H2BC4: variants seen among roughly 807,000 people sequenced by gnomAD.
H2BC4 encodes the protein histone H2B type 1-C/E/F/G/I.
A neutral mutation model predicts 6.2 loss-of-function variants in H2BC4; 10 were observed. The observed-to-expected ratio is 1.61, with a 90% CI of 0.99 to 2.73. The LOEUF (loss-of-function observed/expected upper bound fraction) is 2.73. Among genes scored for constraint, H2BC4 ranks in the 30% most tolerant of loss-of-function variants. The pLI is 0.00. For missense variants in H2BC4, 176 were observed against 168.7 expected (o/e 1.04, Z -0.24); for synonymous variants, 146 against 70.7 (o/e 2.07, Z -5.35).
chr6:26,123,818 C>T lies in H2BC4; in HGVS notation c.87G>A (p.Lys29=), dbSNP rs1345869566. ...AACTCTCCTTGCGGCTGCGCTTGCG[C>T]TTCTTGCCATCTTTCTTCTGCGCTT... ...VTKAQKKDGK[K]RKRSRKESYS... The change falls in exon 1 of 1, where the codon AAG becomes AAA. Residue 29 remains lysine, a synonymous_variant. Coordinates refer to ENST00000396984, the MANE Select transcript of H2BC4 (RefSeq NM_003526.3). 6.2e-6 allele frequency: 10 copies of T among 1,614,264 alleles called. No homozygotes were observed. Among genetic ancestry groups the T allele is most frequent in the South Asian group, 1.1e-5 (1 of 91,092 alleles).
At chr6:26,123,322 T>G (rs1024879357), downstream of H2BC4, 1 of 932,944 alleles carries the variant, frequency 1.1e-6, no homozygotes, top group Non-Finnish European at 1.5e-6. Flanking sequence ...CCATTTTTAA[T>G]GGCTGGCTTC....
At chr6:26,120,456 A>T (rs368213759), downstream of H2BC4, among the ~76,000 whole-genome samples, 1 of 152,206 alleles carries the variant, frequency 6.6e-6, no homozygotes, top group East Asian at 1.9e-4. Context: ...CTCAAAAAAA[A>T]AAAAAAGATA....
downstream of H2BC4, among the ~76,000 whole-genome samples, chr6:26,119,640 A>C (rs899347707): frequency 5.9e-5 from 9 of 152,096 alleles, no homozygotes; most frequent in Admixed American, 3.3e-4. Flanking sequence ...TGTAACCAGT[A>C]CAACTAGTGG....
chr6:26,118,128 GTTTT>G (rs1763448212), intron 1 of H2BC4, among the ~76,000 whole-genome samples: 1 of 151,932 alleles, frequency 6.6e-6, no homozygotes, highest in Non-Finnish European at 1.5e-5. Flanking sequence ...AGTTTGTTTA[GTTTT>G]TTGTTTTTTG....
exon 2 of H2BC4, chr6:26,114,945 T>C (rs1358157808): frequency 6.6e-6 from 1 of 152,236 alleles, no homozygotes; most frequent in Non-Finnish European, 1.5e-5. Context: ...AATATTTTAA[T>C]AGTTTTATGC....
At chr6:26,122,192 T>G (rs2113797691), downstream of H2BC4, among the ~76,000 whole-genome samples, 1 of 152,312 alleles carries the variant, frequency 6.6e-6, no homozygotes, top group Middle Eastern at 3.4e-3. Context: ...TAAGGCCTTG[T>G]CTGGCACCAA....
At chr6:26,121,365 C>T (rs182872426), downstream of H2BC4, among the ~76,000 whole-genome samples, 9 of 152,104 alleles carry the variant, frequency 5.9e-5, no homozygotes, top group Non-Finnish European at 8.8e-5. Context: ...CAAACGCGGA[C>T]GATAAACTTT....
chr6:26,117,509 GTCA>G (rs1763438406), intron 1 of H2BC4, among the ~76,000 whole-genome samples: 1 of 152,104 alleles, frequency 6.6e-6, no homozygotes, highest in Non-Finnish European at 1.5e-5. Flanking sequence ...TTCACTTTTT[GTCA>G]TCATTGAGCA....
Position 26,123,504 on chromosome 6 carries a change from A to G in H2BC4, c.*20T>C. The G allele has an allele frequency of 1.2e-6, 2 of 1,614,176 alleles. No individual in the cohort carries two copies. Among genetic ancestry groups the G allele is most frequent in the Non-Finnish European group, 1.7e-6 (2 of 1,180,028 alleles). ...AAAAGAGCCTTTGGGGTTAGGTGTT[A>G]AGACGCTTACTTGGAATGTTTACTT... On this transcript the variant is annotated 3_prime_UTR_variant, in exon 1 of 1. Transcript: ENST00000396984.
At chr6:26,120,272 G>A (rs138901632), downstream of H2BC4, among the ~76,000 whole-genome samples, 403 of 152,164 alleles carry the variant, frequency 2.6e-3, 2 homozygotes, top group East Asian at 0.011. Context: ...CCAACATGGC[G>A]AAACCCCATC....
chr6:26,115,102 TGG>T (rs1221646138), exon 2 of H2BC4: 1 of 152,150 alleles, frequency 6.6e-6, no homozygotes, highest in African/African-American at 2.4e-5. Flanking sequence ...TGACGACTGT[TGG>T]AAAAGATATG....
chr6:26,115,897 A>T (rs1405394544), intron 1 of H2BC4, among the ~76,000 whole-genome samples: 1 of 152,206 alleles, frequency 6.6e-6, no homozygotes, highest in Non-Finnish European at 1.5e-5. Flanking sequence ...TAACAACAAA[A>T]GGGGCACATT....
downstream of H2BC4, among the ~76,000 whole-genome samples, chr6:26,113,353 T>G (rs1168727898): frequency 6.6e-6 from 1 of 152,228 alleles, no homozygotes; most frequent in Admixed American, 6.5e-5. Context: ...TTGTTTCTCA[T>G]GAGATTCAAT....
At chr6:26,118,754 T>C (rs557081819), downstream of H2BC4, among the ~76,000 whole-genome samples, 3 of 152,312 alleles carry the variant, frequency 2.0e-5, no homozygotes, top group African/African-American at 4.8e-5. Context: ...TTTTTAGTGA[T>C]AGTGTATTTC....
chr6:26,123,837 T>C lies in H2BC4; in HGVS notation c.68A>G (p.Gln23Arg). The C allele has an allele frequency of 6.2e-7, 1 of 1,614,256 alleles. No individual in the cohort carries two copies. Among genetic ancestry groups the C allele is most frequent in the Non-Finnish European group, 8.5e-7 (1 of 1,180,046 alleles). ...CTTGCGCTTCTTGCCATCTTTCTTCTGCGCTTTGGTCACTGCCTTCTTGGA... is the reference window on the plus strand; with the variant it reads ...CTTGCGCTTCTTGCCATCTTTCTTCCGCGCTTTGGTCACTGCCTTCTTGGA... ...KGSKKAVTKA[Q>R]KKDGKKRKRS... The change falls in exon 1 of 1, where the codon CAG (glutamine) becomes CGG (arginine). Residue 23 changes from glutamine to arginine, a missense_variant. By Grantham distance (43) the Gln-to-Arg change is conservative. Coordinates refer to ENST00000396984, the MANE Select transcript of H2BC4 (RefSeq NM_003526.3).
chr6:26,116,925 C>T (rs1176240454), intron 1 of H2BC4, among the ~76,000 whole-genome samples: 2 of 152,148 alleles, frequency 1.3e-5, no homozygotes, highest in African/African-American at 2.4e-5. Context: ...TCCAGGATTA[C>T]ACAGGCTAAA....
At chr6:26,113,454 G>T (rs2113792160), downstream of H2BC4, among the ~76,000 whole-genome samples, 1 of 152,316 alleles carries the variant, frequency 6.6e-6, no homozygotes, top group Admixed American at 6.5e-5. Flanking sequence ...TGACTCTGGG[G>T]TGTGGACATT....
At chr6:26,120,551 C>G (rs1005928196), downstream of H2BC4, among the ~76,000 whole-genome samples, 2 of 152,004 alleles carry the variant, frequency 1.3e-5, no homozygotes, top group Non-Finnish European at 2.9e-5. Flanking sequence ...CATAGGTTAT[C>G]TATTTAGCAT....
downstream of H2BC4, among the ~76,000 whole-genome samples, chr6:26,123,126 C>A (rs2030149034): frequency 6.6e-6 from 1 of 152,150 alleles, no homozygotes; most frequent in Non-Finnish European, 1.5e-5. Context: ...ACAGGACAGC[C>A]TATTGGCTAG....
Sources: gnomAD v4.1 joint callset for allele counts (sites outside exome capture counted in the v4.1 genomes callset) on GRCh38, gnomAD v4.1.1 for gene constraint, MANE v1.5 for transcripts, NCBI Gene and HGNC (gene_info 2026-07-23, HGNC 2026-07-21) for gene names.